The following IMMP2L variants were observed in gnomAD, a reference collection of about 807,000 sequenced individuals.
IMMP2L encodes mitochondrial inner membrane protease subunit 2.
In IMMP2L, 18 loss-of-function variants were observed where a neutral mutation model predicts 19.3. That is an observed-to-expected ratio of 0.93 (90% CI 0.64 to 1.38). The LOEUF (loss-of-function observed/expected upper bound fraction) is 1.38. Among genes scored for constraint, IMMP2L ranks in the 40% most tolerant of loss-of-function variants. IMMP2L has a pLI of 0.00. For missense variants in IMMP2L, 233 were observed against 218.2 expected (o/e 1.07, Z -0.43); for synonymous variants, 76 against 73.0 (o/e 1.04, Z -0.21).
intron 3 of IMMP2L, among the ~76,000 whole-genome samples, chr7:111,485,623 A>AAC (rs1235504183): frequency 6.6e-6 from 1 of 150,606 alleles, no homozygotes; most frequent in Non-Finnish European, 1.5e-5. Flanking sequence ...AAAAAAAAAA[A>AAC]AACACAGTTC....
intron 5 of IMMP2L, among the ~76,000 whole-genome samples, chr7:110,793,961 A>G (rs1434268592): frequency 6.6e-6 from 1 of 152,156 alleles, no homozygotes; most frequent in Non-Finnish European, 1.5e-5. Flanking sequence ...ACAAGTTACC[A>G]CTACATAACT....
chr7:111,170,844 A>T (rs1806357325), intron 3 of IMMP2L, among the ~76,000 whole-genome samples: 1 of 151,120 alleles, frequency 6.6e-6, no homozygotes, highest in Admixed American at 6.6e-5. Context: ...TAGTGTACCC[A>T]TTACCCCAAC....
At chr7:111,441,079 GTGGCTTAATCTTC>G (rs1837664025) in intron 3 of IMMP2L, among the ~76,000 whole-genome samples, 1 of 151,864 alleles carries the variant, frequency 6.6e-6, no homozygotes. Context: ...AGAGAATTTT[GTGGCTTAATCTTC>G]TGTCCAACCA....
chr7:110,791,344 C>A (rs1264762775), intron 5 of IMMP2L, among the ~76,000 whole-genome samples: 1 of 151,628 alleles, frequency 6.6e-6, no homozygotes, highest in Admixed American at 6.6e-5. Flanking sequence ...ACTATCTCTA[C>A]TCTTCCATAA....
At chr7:111,076,795 C>A (rs1304012301) in intron 3 of IMMP2L, among the ~76,000 whole-genome samples, 1 of 152,192 alleles carries the variant, frequency 6.6e-6, no homozygotes, top group Non-Finnish European at 1.5e-5. Context: ...TACCCATCTC[C>A]AAGCTAAAGC....
intron 3 of IMMP2L, among the ~76,000 whole-genome samples, chr7:111,200,359 A>T (rs1055547929): frequency 2.0e-5 from 3 of 152,136 alleles, no homozygotes; most frequent in African/African-American, 7.2e-5. Context: ...ATCTTTAATC[A>T]ATCTCTTTAT....
Position 111,539,182 on chromosome 7 carries a change from AGGAAGGAAGGAG to A in IMMP2L, c.-2-17745_-2-17734del, listed in dbSNP as rs1393511985. Among the ~76,000 whole-genome samples, 118 of 70,172 alleles carry A rather than the reference AGGAAGGAAGGAG, an allele frequency of 1.7e-3. 2 individuals are homozygous for A. The highest frequency in any genetic ancestry group is 5.1e-3 in the South Asian group (10 of 1,968). The allele number at this position is 70,172 out of a possible 152,430, so 46.0% of individuals were successfully genotyped here. ...AAGGAAGGAAGGAAGGAAGGAAGGA[AGGAAGGAAGGAG>A]GGAGAAAGAAAGAAAGAAAGAAAGA... On this transcript the variant is annotated intron_variant, in intron 1 of 5. Transcript: ENST00000405709.
At chr7:111,519,898 T>C (rs1382522482) in intron 2 of IMMP2L, among the ~76,000 whole-genome samples, 1 of 152,046 alleles carries the variant, frequency 6.6e-6, no homozygotes, top group Non-Finnish European at 1.5e-5. Context: ...TTAAACTGAT[T>C]ATTTGTTACC....
intron 5 of IMMP2L, among the ~76,000 whole-genome samples, chr7:110,868,484 G>T (rs1164213379): frequency 6.6e-6 from 1 of 152,018 alleles, no homozygotes; most frequent in South Asian, 2.1e-4. Flanking sequence ...AGAGGCTGGG[G>T]GGTTCAAATC....
intron 1 of IMMP2L, among the ~76,000 whole-genome samples, chr7:111,553,510 T>C (rs1315920419): frequency 1.3e-5 from 2 of 152,306 alleles, no homozygotes; most frequent in East Asian, 3.9e-4. Flanking sequence ...TGGCTATTTT[T>C]AATGTGCATA....
At chr7:111,227,314 T>C (rs1813211997) in intron 3 of IMMP2L, among the ~76,000 whole-genome samples, 1 of 152,170 alleles carries the variant, frequency 6.6e-6, no homozygotes. Flanking sequence ...TTTCATTTGC[T>C]ACCCGAAGTA....
At chr7:110,751,400 A>T (rs978529896) in intron 5 of IMMP2L, among the ~76,000 whole-genome samples, 1 of 151,498 alleles carries the variant, frequency 6.6e-6, no homozygotes, top group Non-Finnish European at 1.5e-5. Context: ...GTTTCAACTG[A>T]TTTTTCTAAG....
At chr7:111,057,094 T>A (rs2129574060) in intron 3 of IMMP2L, among the ~76,000 whole-genome samples, 1 of 152,278 alleles carries the variant, frequency 6.6e-6, no homozygotes, top group East Asian at 1.9e-4. Context: ...CTTTTTTGAG[T>A]TCATAAAGGA....
intron 1 of IMMP2L, among the ~76,000 whole-genome samples, 187 bp downstream of exon 1, chr7:111,561,664 T>C (rs1792072726): frequency 6.6e-6 from 1 of 152,112 alleles, no homozygotes; most frequent in Admixed American, 6.5e-5. Flanking sequence ...ATAGACTGTG[T>C]GAGGCTGAAA....
At chr7:110,675,403 C>A (rs2130383013) in intron 5 of IMMP2L, among the ~76,000 whole-genome samples, 1 of 152,216 alleles carries the variant, frequency 6.6e-6, no homozygotes, top group South Asian at 2.1e-4. Context: ...AGTTTTTCTC[C>A]CCCCAAATGC....
At position 111,011,761 on chromosome 7, in the gene IMMP2L, T is replaced by G. The variant is rs555335381; in HGVS notation, c.240-48196A>C. Among the ~76,000 whole-genome samples, 33 of 152,268 alleles carry G rather than the reference T, an allele frequency of 2.2e-4. No individual in the cohort carries two copies. The South Asian group carries it at 3.7e-3, about 17-fold the overall frequency. ...AAACAAATGAAAACAAATAAATTAC[T>G]CATTTACTTGTGTGATTTTGATAGG... On this transcript the variant is annotated intron_variant, in intron 3 of 5. Coordinates refer to ENST00000405709, the MANE Select transcript of IMMP2L (RefSeq NM_032549.4).
intron 3 of IMMP2L, among the ~76,000 whole-genome samples, chr7:111,386,866 T>TA (rs1831809874): frequency 6.6e-6 from 1 of 152,056 alleles, no homozygotes; most frequent in African/African-American, 2.4e-5. Context: ...TTCTACCTTG[T>TA]AAAAGAAAAT....
At chr7:111,349,179 G>T (rs1346547008) in intron 3 of IMMP2L, among the ~76,000 whole-genome samples, 1 of 152,042 alleles carries the variant, frequency 6.6e-6, no homozygotes, top group African/African-American at 2.4e-5. Context: ...CAGAACATAG[G>T]ATTGCTACTT....
intron 4 of IMMP2L, among the ~76,000 whole-genome samples, chr7:110,959,287 A>G (rs889587096): frequency 1.3e-5 from 2 of 151,976 alleles, no homozygotes; most frequent in Non-Finnish European, 2.9e-5. Context: ...GAAAGATGGG[A>G]CTGAAAAATC....
Sources: gnomAD v4.1 joint callset for allele counts (sites outside exome capture counted in the v4.1 genomes callset) on GRCh38, gnomAD v4.1.1 for gene constraint, MANE v1.5 for transcripts, NCBI Gene and HGNC (gene_info 2026-07-23, HGNC 2026-07-21) for gene names.